Variants in NIPBL observed in about 807,000 individuals in gnomAD.
NIPBL encodes nipped-B-like protein.
Under a neutral mutation model 321.8 loss-of-function variants are expected in NIPBL, and 19 were observed. That is an observed-to-expected ratio of 0.06 (90% confidence interval 0.04 to 0.09). NIPBL has a LOEUF of 0.09. Among genes scored for constraint, NIPBL ranks in the 10% least tolerant of loss-of-function variants. The pLI, the probability that NIPBL is intolerant of heterozygous loss-of-function variation, is 1.00. For synonymous variants in NIPBL, 1,106 were observed against 1,114.1 expected (o/e 0.99, Z 0.14); for missense variants, 2,210 against 3,327.0 (o/e 0.66, Z 8.26).
chr5:37,056,824 C>G (rs1013985014), intron 42 of NIPBL, among the ~76,000 whole-genome samples: 3 of 152,046 alleles, frequency 2.0e-5, no homozygotes, highest in Admixed American at 1.3e-4. Context: ...AAGAAAACTT[C>G]AAGGAATTTC....
intron 3 of NIPBL, among the ~76,000 whole-genome samples, chr5:36,957,585 C>T (rs377378428): frequency 8.6e-5 from 13 of 151,938 alleles, no homozygotes; most frequent in African/African-American, 3.1e-4. Context: ...CTTTTTTTCT[C>T]TTGACTGTGT....
intron 1 of NIPBL, among the ~76,000 whole-genome samples, chr5:36,909,127 T>C (rs1747858149): frequency 6.6e-6 from 1 of 152,190 alleles, no homozygotes; most frequent in Non-Finnish European, 1.5e-5. Flanking sequence ...TGGACTGCCC[T>C]GTGATTTTGT....
At chr5:36,883,616 T>C (rs1369837850) in intron 1 of NIPBL, among the ~76,000 whole-genome samples, 8 of 151,948 alleles carry the variant, frequency 5.3e-5, no homozygotes, top group Non-Finnish European at 2.9e-5. Context: ...ATATTTATGA[T>C]ATTTAATTTG....
chr5:36,973,836 CT>C (rs1381487088), intron 8 of NIPBL, among the ~76,000 whole-genome samples: 1 of 152,128 alleles, frequency 6.6e-6, no homozygotes, highest in Non-Finnish European at 1.5e-5. Flanking sequence ...TTCTTGCCCC[CT>C]ACCCTCCAAC....
chr5:36,922,238 T>C (rs930180976), intron 1 of NIPBL, among the ~76,000 whole-genome samples: 3 of 152,092 alleles, frequency 2.0e-5, no homozygotes, highest in Admixed American at 6.6e-5. Context: ...CACTGCCCAT[T>C]TTCCACCTCC....
Position 37,058,954 on chromosome 5 carries a change from G to A in NIPBL, c.7474G>A (p.Asp2492Asn), listed in dbSNP as rs749512949. 23 of 1,614,182 alleles carry A rather than the reference G, an allele frequency of 1.4e-5. No homozygotes were observed. The highest frequency in any genetic ancestry group is 3.3e-5 in the Admixed American group (2 of 60,030). ...ACCTAGTAAGGAAAATGAGTCAAGCGACAGTGAAGAAGAAGTTTCCAGGCC... is the reference window on the plus strand; with the variant it reads ...ACCTAGTAAGGAAAATGAGTCAAGCAACAGTGAAGAAGAAGTTTCCAGGCC... Reference protein sequence around the residue: ...SSPSKENESSDSEEEVSRPRK... With the variant: ...SSPSKENESSNSEEEVSRPRK... Residue 2492 changes from aspartate to asparagine, a missense_variant, in exon 44 of 47, where the codon GAC becomes AAC. Coordinates refer to ENST00000282516, the MANE Select transcript of NIPBL (RefSeq NM_133433.4).
chr5:36,972,525 G>T (rs1043480636), intron 8 of NIPBL, among the ~76,000 whole-genome samples: 1 of 151,496 alleles, frequency 6.6e-6, no homozygotes, highest in African/African-American at 2.4e-5. Flanking sequence ...TTCCCTGGCC[G>T]TTTTATTAAG....
intron 1 of NIPBL, among the ~76,000 whole-genome samples, chr5:36,897,432 TCTTTC>T (rs890528146): frequency 2.5e-4 from 38 of 152,342 alleles, no homozygotes; most frequent in African/African-American, 8.9e-4. Flanking sequence ...CTCATGCTCT[TCTTTC>T]TAGGGACAGT....
intron 1 of NIPBL, among the ~76,000 whole-genome samples, chr5:36,952,039 TGTGTGTGTGTGTGTGCGCGC>T (rs1338417257): frequency 9.8e-5 from 11 of 111,978 alleles, no homozygotes; most frequent in East Asian, 2.5e-4. Context: ...TGTGTGTGTG[TGTGTGTGTGTGTGTGCGCGC>T]GCGCGCGCGC....
At chr5:36,995,944 T>C in intron 11 of NIPBL, 140 bp downstream of exon 11, 1 of 700,634 alleles carries the variant, frequency 1.4e-6, no homozygotes, top group Non-Finnish European at 2.4e-6. Flanking sequence ...TTTTTTTCTC[T>C]ATACTTTAAA....
chr5:36,894,612 C>A (rs917050200), intron 1 of NIPBL, among the ~76,000 whole-genome samples: 12 of 152,084 alleles, frequency 7.9e-5, no homozygotes, highest in African/African-American at 2.7e-4. Flanking sequence ...CTATCCAAAT[C>A]ATACTTTCTT....
At chr5:36,916,980 T>C (rs1033031944) in intron 1 of NIPBL, among the ~76,000 whole-genome samples, 7 of 152,346 alleles carry the variant, frequency 4.6e-5, no homozygotes, top group Admixed American at 3.9e-4. Flanking sequence ...TGTGTCTTTA[T>C]AGCAGCATGA....
intron 10 of NIPBL, among the ~76,000 whole-genome samples, chr5:36,988,241 A>T (rs889885325): frequency 6.6e-6 from 1 of 152,162 alleles, no homozygotes; most frequent in Non-Finnish European, 1.5e-5. Flanking sequence ...CGTTTCTGAT[A>T]GTATACTTTT....
intron 1 of NIPBL, among the ~76,000 whole-genome samples, chr5:36,899,373 C>G (rs1747032177): frequency 6.6e-6 from 1 of 151,966 alleles, no homozygotes; most frequent in Admixed American, 6.6e-5. Flanking sequence ...TATGTACTTA[C>G]AAATTAATAT....
intron 1 of NIPBL, among the ~76,000 whole-genome samples, chr5:36,940,772 A>G (rs1738978577): frequency 6.6e-6 from 1 of 152,180 alleles, no homozygotes; most frequent in Non-Finnish European, 1.5e-5. Flanking sequence ...AAATGAACAT[A>G]AAAGTAGTAC....
intron 1 of NIPBL, among the ~76,000 whole-genome samples, chr5:36,942,155 A>G (rs980729216): frequency 4.6e-5 from 7 of 152,036 alleles, no homozygotes; most frequent in African/African-American, 7.2e-5. Context: ...TTCCCTGGCC[A>G]GGTGCAGTGG....
At chr5:36,884,756 T>C (rs1371395032) in intron 1 of NIPBL, among the ~76,000 whole-genome samples, 1 of 152,200 alleles carries the variant, frequency 6.6e-6, no homozygotes, top group African/African-American at 2.4e-5. Context: ...CTAAGATTAG[T>C]GAATGGCAAG....
In NIPBL at chr5:36,957,773, A is replaced by G. The variant is rs180777312; in HGVS notation, c.231-331A>G. On this transcript the variant is annotated intron_variant, in intron 3 of 46. Transcript: ENST00000282516. ...CGAGGCGGGCAGACCATCTGAGGTC[A>G]GGAGTTAGAGACCAGCCTGGCCAAC... Among the ~76,000 whole-genome samples, 6 of 151,972 alleles carry G rather than the reference A, an allele frequency of 3.9e-5. No homozygotes were observed. In the South Asian group the frequency reaches 6.2e-4, roughly 16 times the overall value.
chr5:36,877,372 G>T (rs978004396), intron 1 of NIPBL, among the ~76,000 whole-genome samples, 194 bp downstream of exon 1: 1 of 152,310 alleles, frequency 6.6e-6, no homozygotes, highest in East Asian at 1.9e-4. Flanking sequence ...CTCCCGGCCG[G>T]CTCCGGTGGC....
Sources: allele counts gnomAD v4.1 joint callset (sites outside exome capture counted in the v4.1 genomes callset), GRCh38; gene constraint gnomAD v4.1.1; transcripts MANE v1.5; gene names NCBI Gene and HGNC (gene_info 2026-07-23, HGNC 2026-07-21).